The following ANGPT1 variants were observed in gnomAD, a reference collection of about 807,000 sequenced individuals.
ANGPT1 encodes angiopoietin-1.
ANGPT1 carries 17 observed loss-of-function variants against 62.2 expected under a neutral mutation model. The observed-to-expected ratio is 0.27, with a 90% confidence interval of 0.19 to 0.41. The LOEUF (loss-of-function observed/expected upper bound fraction) is 0.41. ANGPT1 is among the 10% of genes least tolerant of loss of function. The probability of loss-of-function intolerance (pLI) is 1.00; values close to 1 mark genes in which losing one functional copy is unlikely to be tolerated. For missense variants in ANGPT1, 478 were observed against 594.9 expected, an observed-to-expected ratio of 0.80 and a Z score of 2.04; for synonymous variants, 199 against 198.9, an observed-to-expected ratio of 1.00 and a Z score of 0.00.
At chr8:107,368,005 T>C (rs1816310870) in intron 1 of ANGPT1, among the ~76,000 whole-genome samples, 1 of 152,230 alleles carries the variant, frequency 6.6e-6, no homozygotes, top group South Asian at 2.1e-4. Context: ...ATCACTAATG[T>C]TCTTACTGGC....
At chr8:107,330,112 T>C (rs984587183) in intron 3 of ANGPT1, among the ~76,000 whole-genome samples, 2 of 152,096 alleles carry the variant, frequency 1.3e-5, no homozygotes, top group South Asian at 4.1e-4. Context: ...AAACATCAAA[T>C]ATGTCTGAAA....
chr8:107,396,812 T>A (rs190427874), intron 1 of ANGPT1, among the ~76,000 whole-genome samples: 3 of 151,952 alleles, frequency 2.0e-5, no homozygotes, highest in Non-Finnish European at 4.4e-5. Context: ...TGTGAGCCAC[T>A]GCACCCGGCC....
chr8:107,484,321 C>G (rs539010731), intron 1 of ANGPT1, among the ~76,000 whole-genome samples: 1 of 152,120 alleles, frequency 6.6e-6, no homozygotes. Flanking sequence ...ATAATACCTG[C>G]TATGTATTAA....
intron 4 of ANGPT1, among the ~76,000 whole-genome samples, chr8:107,314,449 T>C (rs180952019): frequency 5.7e-4 from 87 of 152,290 alleles, no homozygotes; most frequent in African/African-American, 1.9e-3. Flanking sequence ...TTTGTTATCA[T>C]TAATTTGGCT....
chr8:107,305,814 A>C (rs1394466790), intron 4 of ANGPT1, among the ~76,000 whole-genome samples: 2 of 152,066 alleles, frequency 1.3e-5, no homozygotes, highest in African/African-American at 2.4e-5. Context: ...GATTGTTTTT[A>C]ATTACTTACC....
intron 1 of ANGPT1, among the ~76,000 whole-genome samples, chr8:107,397,337 A>C (rs1816955883): frequency 6.6e-6 from 1 of 152,184 alleles, no homozygotes; most frequent in Admixed American, 6.5e-5. Flanking sequence ...AGAACTGGAA[A>C]ATGTTAGGCT....
At chr8:107,416,775 T>C (rs1280552139) in intron 1 of ANGPT1, among the ~76,000 whole-genome samples, 1 of 150,792 alleles carries the variant, frequency 6.6e-6, no homozygotes, top group Non-Finnish European at 1.5e-5. Flanking sequence ...TCTTATGACC[T>C]ACAGACAAGG....
At chr8:107,390,686 G>A (rs1816817929) in intron 1 of ANGPT1, among the ~76,000 whole-genome samples, 1 of 152,120 alleles carries the variant, frequency 6.6e-6, no homozygotes, top group South Asian at 2.1e-4. Context: ...GGAGATTTCT[G>A]TTTACCTGGC....
intron 1 of ANGPT1, among the ~76,000 whole-genome samples, chr8:107,432,581 G>A (rs9650030): frequency 0.09 from 13,600 of 151,030 alleles, 1,018 homozygotes; most frequent in East Asian, 0.44. Flanking sequence ...GGAGAATGGC[G>A]TGAACCCGGG....
intron 1 of ANGPT1, among the ~76,000 whole-genome samples, chr8:107,370,049 T>C (rs1654708): frequency 0.74 from 112,123 of 150,564 alleles, 42,574 homozygotes; most frequent in East Asian, 0.87. Context: ...GGTGGGAAGA[T>C]TGATTGAGCC....
At chr8:107,442,118 G>A (rs1014360657) in intron 1 of ANGPT1, among the ~76,000 whole-genome samples, 9 of 152,076 alleles carry the variant, frequency 5.9e-5, no homozygotes, top group Non-Finnish European at 1.2e-4. Flanking sequence ...TCACCTCGTA[G>A]ATCCAGAGGT....
intron 1 of ANGPT1, among the ~76,000 whole-genome samples, chr8:107,393,470 A>T (rs530314188): frequency 6.6e-5 from 10 of 152,314 alleles, no homozygotes; most frequent in East Asian, 3.9e-4. Flanking sequence ...ATACAAATTT[A>T]AAAAAATTTT....
intron 1 of ANGPT1, among the ~76,000 whole-genome samples, chr8:107,383,169 G>C (rs944847051): frequency 6.6e-6 from 1 of 152,062 alleles, no homozygotes; most frequent in Non-Finnish European, 1.5e-5. Context: ...TTCTAATGTG[G>C]CTTCCTTCAG....
chr8:107,258,632 G>A (rs911400187), intron 8 of ANGPT1, among the ~76,000 whole-genome samples: 1 of 151,998 alleles, frequency 6.6e-6, no homozygotes, highest in African/African-American at 2.4e-5. Context: ...AACTTTGCCC[G>A]AGAAAATAGG....
intron 1 of ANGPT1, among the ~76,000 whole-genome samples, chr8:107,430,584 A>G (rs1201941352): frequency 6.6e-6 from 1 of 152,214 alleles, no homozygotes; most frequent in African/African-American, 2.4e-5. Context: ...GGAAATTGCA[A>G]ATGAGATTAA....
chr8:107,457,837 C>A (rs1292910888), intron 1 of ANGPT1, among the ~76,000 whole-genome samples: 1 of 147,554 alleles, frequency 6.8e-6, no homozygotes, highest in Non-Finnish European at 1.5e-5. Flanking sequence ...CACACACACA[C>A]ACACACACAC....
intron 3 of ANGPT1, 64 bp downstream of exon 3, chr8:107,336,086 G>T: frequency 6.9e-7 from 1 of 1,447,760 alleles, no homozygotes; most frequent in Non-Finnish European, 9.1e-7. Flanking sequence ...TTAAGAGTTG[G>T]CAGAGAGGTG....
intron 7 of ANGPT1, among the ~76,000 whole-genome samples, chr8:107,271,256 C>G (rs1021031099): frequency 9.2e-5 from 14 of 152,030 alleles, no homozygotes; most frequent in Non-Finnish European, 1.5e-4. Context: ...TAAAATACCT[C>G]TATGTCCTGC....
chr8:107,497,574 C>G lies in ANGPT1; in HGVS notation c.-16G>C. ...AAACTGTCATTGTACTGCCAGCACA[C>G]TCCTTCCGTGCCTCTCGCAAAACTT... On this transcript the variant is annotated 5_prime_UTR_variant, in exon 1 of 9. Transcript: ENST00000517746. 1.2e-6 allele frequency: 2 copies of G among 1,607,634 alleles called. No individual in the cohort carries two copies. The highest frequency in any genetic ancestry group is 1.7e-6 in the Non-Finnish European group (2 of 1,175,832).
Sources: allele counts gnomAD v4.1 joint callset (sites outside exome capture counted in the v4.1 genomes callset), GRCh38; gene constraint gnomAD v4.1.1; transcripts MANE v1.5; gene names NCBI Gene and HGNC (gene_info 2026-07-23, HGNC 2026-07-21).